Variants in KMT2C observed in about 807,000 individuals in gnomAD.
KMT2C encodes the protein lysine methyltransferase 2C.
Under a neutral mutation model 507.9 loss-of-function variants are expected in KMT2C, and 88 were observed. That is an observed-to-expected ratio of 0.17 (90% confidence interval 0.15 to 0.21). The LOEUF is 0.21. Ranked by LOEUF, KMT2C falls within the 10% of genes least tolerant of loss-of-function variation. The probability of loss-of-function intolerance (pLI) is 1.00; values close to 1 mark genes in which losing one functional copy is unlikely to be tolerated. For synonymous variants in KMT2C, 2,049 were observed against 2,080.8 expected (o/e 0.98, Z 0.42); for missense variants, 4,954 against 5,957.8 (o/e 0.83, Z 5.55).
At chr7:152,308,924 T>G (rs1477644912) in intron 6 of KMT2C, among the ~76,000 whole-genome samples, 1 of 152,186 alleles carries the variant, frequency 6.6e-6, no homozygotes, top group Non-Finnish European at 1.5e-5. Context: ...GGAAGCCGTT[T>G]CATTTGCATT....
Position 152,144,927 on chromosome 7 carries a change from G to T in KMT2C, c.14175-46C>A. Reference sequence around the variant, plus strand: ...ACAGGAAAAAAATACAAGGAAAACTGAAGATACCTCTGAGTAATGCCCAAA... The same window carrying T: ...ACAGGAAAAAAATACAAGGAAAACTTAAGATACCTCTGAGTAATGCCCAAA... On this transcript the variant is annotated intron_variant, in intron 54 of 58. Transcript: ENST00000262189. This position sits in a 1 kb window ranked among gnomAD's most constrained non-coding sequence, Gnocchi z 4.4. 6.4e-7 allele frequency: 1 copy of T among 1,556,382 alleles called. No individual in the cohort carries two copies. Among genetic ancestry groups the T allele is most frequent in the Non-Finnish European group, 8.7e-7 (1 of 1,144,076 alleles).
At chr7:152,329,250 A>C (rs142369830) in intron 3 of KMT2C, among the ~76,000 whole-genome samples, 1 of 152,296 alleles carries the variant, frequency 6.6e-6, no homozygotes, top group Non-Finnish European at 1.5e-5. Context: ...TCCCAAAAGC[A>C]AAAGAAAGAA....
Position 152,151,551 on chromosome 7 carries a change from C to A in KMT2C, c.12557G>T (p.Gly4186Val). Residue 4186 changes from glycine (G) to valine (V), a missense_variant, in exon 50 of 59, where the codon GGT (glycine) becomes GTT (valine). Gly to Val is a moderately radical substitution (Grantham distance 109). Transcript: ENST00000262189. ...GLSGYKDSSHGIAESAALRPQ... is the reference protein window; with the variant it reads ...GLSGYKDSSHVIAESAALRPQ... ...TCTGAGTGCTGCGCTTTCTGCAATA[C>A]CATGACTAGAATCCTTATATCCAGA... 3 of 1,614,048 alleles carry A rather than the reference C, an allele frequency of 1.9e-6. No homozygotes were observed. The highest frequency in any genetic ancestry group is 2.5e-6 in the Non-Finnish European group (3 of 1,179,946).
intron 2 of KMT2C, 114 bp from the exon 3 acceptor site, chr7:152,330,853 A>T: frequency 1.0e-6 from 1 of 962,336 alleles, no homozygotes. Context: ...ACAAATAACA[A>T]TATTTCACTA....
intron 6 of KMT2C, among the ~76,000 whole-genome samples, chr7:152,285,314 G>A: frequency 6.6e-6 from 1 of 152,308 alleles, no homozygotes; most frequent in Non-Finnish European, 1.5e-5. Context: ...TGGAGTGGGA[G>A]GTAGGCAGTA....
chr7:152,242,523 TA>T (rs1452080864), intron 14 of KMT2C, among the ~76,000 whole-genome samples: 9 of 152,052 alleles, frequency 5.9e-5, no homozygotes, highest in African/African-American at 2.2e-4. Flanking sequence ...CTACAGAAAC[TA>T]AAAAAACACT....
In KMT2C at chr7:152,370,188, C is replaced by T. The variant is rs889921999; in HGVS notation, c.162-11513G>A. Among the ~76,000 whole-genome samples, 9 of 149,734 alleles carry T rather than the reference C, an allele frequency of 6.0e-5. No individual in the cohort carries two copies. The East Asian group carries it at 1.2e-3, about 19-fold the overall frequency. On this transcript the variant is annotated intron_variant, in intron 1 of 58. Transcript: ENST00000262189. ...CAGCCTGGACAACGGAGGGAGACTCCGTCTCAAAAAAAAAAAAAGAAGACA... is the reference window on the plus strand; with the variant it reads ...CAGCCTGGACAACGGAGGGAGACTCTGTCTCAAAAAAAAAAAAAGAAGACA...
chr7:152,196,012 C>A lies in KMT2C; in HGVS notation c.4274-1G>T. ...TCAGCTAATGGGTCATCAGCAGGAC[C>A]TAAATATAGTAAATATGTTTTTTAA... On this transcript the variant is annotated splice_acceptor_variant, in intron 27 of 58. Coordinates refer to ENST00000262189, the MANE Select transcript of KMT2C (RefSeq NM_170606.3). LOFTEE classifies it high-confidence loss of function. 6.5e-7 allele frequency: 1 copy of A among 1,530,022 alleles called. No individual in the cohort carries two copies. The highest frequency in any genetic ancestry group is 8.9e-7 in the Non-Finnish European group (1 of 1,120,092). 94.8% of individuals were successfully genotyped at this position (1,530,022 alleles called of 1,614,324 possible). A position where few individuals can be genotyped will look rare whatever the true frequency, so the allele number is the denominator to read the frequency against.
chr7:152,274,017 A>G (rs2096027664), intron 6 of KMT2C, 150 bp from the exon 7 acceptor site: 1 of 709,516 alleles, frequency 1.4e-6, no homozygotes, highest in East Asian at 3.4e-5. Context: ...GTTAAAAATA[A>G]TAAAATCTAC....
chr7:152,417,152 T>C (rs1235859633), intron 1 of KMT2C, among the ~76,000 whole-genome samples: 12 of 151,970 alleles, frequency 7.9e-5, no homozygotes, highest in Admixed American at 7.9e-4. Context: ...TTTTAAAAAG[T>C]TCGTATTTAC....
intron 31 of KMT2C, among the ~76,000 whole-genome samples, chr7:152,189,288 C>T (rs904688882): frequency 3.3e-5 from 5 of 152,138 alleles, no homozygotes; most frequent in African/African-American, 7.2e-5. Flanking sequence ...ACAACAAAAA[C>T]TTTGTTTACC....
At chr7:152,302,815 T>C (rs771016412) in intron 6 of KMT2C, among the ~76,000 whole-genome samples, 71 of 152,098 alleles carry the variant, frequency 4.7e-4, no homozygotes, top group Admixed American at 7.9e-4. Context: ...TTAATTTTTA[T>C]ATTTTTTTAG....
Position 152,181,972 on chromosome 7 carries a change from T to C in KMT2C, c.5888A>G (p.Tyr1963Cys), listed in dbSNP as rs766923387. 7.4e-6 allele frequency: 12 copies of C among 1,614,152 alleles called. No homozygotes were observed. In the Middle Eastern group the frequency reaches 4.9e-4, roughly 67 times the overall value. ...CCTAGGTGTGTCTGGAGGTTTTGCA[T>C]AGGGGTCATTATTTGTCGTGGAAGA... Reference protein sequence around the residue: ...CSSSTTNNDPYAKPPDTPRPV... With the variant: ...CSSSTTNNDPCAKPPDTPRPV... Residue 1963 changes from tyrosine to cysteine, a missense_variant, in exon 36 of 59, where the codon TAT becomes TGT. Around this residue, in one of 29 missense-constraint regions of KMT2C, gnomAD observed 1,689 missense variants for 1,654.3 expected, o/e 1.02. Coordinates refer to ENST00000262189, the MANE Select transcript of KMT2C (RefSeq NM_170606.3).
intron 4 of KMT2C, chr7:152,312,167 C>G: frequency 2.9e-6 from 1 of 348,082 alleles, no homozygotes; most frequent in Non-Finnish European, 5.2e-6. Flanking sequence ...AAAAGAGTCT[C>G]CAAACCCACA....
intron 1 of KMT2C, among the ~76,000 whole-genome samples, chr7:152,401,100 T>A: frequency 7.1e-6 from 1 of 140,738 alleles, no homozygotes; most frequent in Admixed American, 6.9e-5. Flanking sequence ...TTCATTAACT[T>A]TTTTTTTTTT....
intron 7 of KMT2C, among the ~76,000 whole-genome samples, chr7:152,268,393 A>G (rs112751978): frequency 6.6e-6 from 1 of 152,172 alleles, no homozygotes; most frequent in Non-Finnish European, 1.5e-5. Flanking sequence ...TACATAATCA[A>G]TTAATTACAG....
chr7:152,397,418 CT>C (rs1282614497), intron 1 of KMT2C, among the ~76,000 whole-genome samples: 3 of 152,110 alleles, frequency 2.0e-5, no homozygotes, highest in Non-Finnish European at 4.4e-5. Context: ...TATGGGTGCC[CT>C]GGTTTATAAC....
chr7:152,296,398 C>G (rs2096496275), intron 6 of KMT2C, among the ~76,000 whole-genome samples: 1 of 143,606 alleles, frequency 7.0e-6, no homozygotes, highest in South Asian at 2.2e-4. Flanking sequence ...CGCGCCACTT[C>G]AATCCAGCCT....
chr7:152,272,657 T>A (rs1452055582), intron 7 of KMT2C, among the ~76,000 whole-genome samples: 1 of 152,184 alleles, frequency 6.6e-6, no homozygotes, highest in Non-Finnish European at 1.5e-5. Flanking sequence ...AAATATAATT[T>A]AAAATTCTAG....
Sources: gnomAD v4.1 joint callset for allele counts (sites outside exome capture counted in the v4.1 genomes callset) on GRCh38, gnomAD v4.1.1 for gene constraint, gnomAD v4.1.1 regional missense constraint, Gnocchi (gnomAD v3.1) non-coding constraint, MANE v1.5 for transcripts, NCBI Gene and HGNC (gene_info 2026-07-23, HGNC 2026-07-21) for gene names.